CHL1: variants seen among roughly 807,000 people sequenced by gnomAD.
CHL1 encodes cell adhesion molecule L1 like.
CHL1 carries 96 observed loss-of-function variants against 141.9 expected under a neutral mutation model. The ratio of observed to expected loss-of-function variants is 0.68; its 90% CI spans 0.57 to 0.80. The LOEUF (loss-of-function observed/expected upper bound fraction) is 0.80, where lower values mean the gene tolerates loss of function less well. Among genes scored for constraint, CHL1 ranks in the 30% least tolerant of loss-of-function variants. The pLI, the probability that CHL1 is intolerant of heterozygous loss-of-function variation, is 0.00. For missense variants in CHL1, 1,820 were observed against 1,457.2 expected, an observed-to-expected ratio of 1.25 and a Z score of -4.05; for synonymous variants, 613 against 502.2, an observed-to-expected ratio of 1.22 and a Z score of -2.95.
intron 1 of CHL1, among the ~76,000 whole-genome samples, chr3:203,479 T>C (rs907637752): frequency 2.0e-5 from 3 of 152,228 alleles, no homozygotes; most frequent in Non-Finnish European, 4.4e-5. Context: ...CTTTGTTCCT[T>C]TCTTTTATAT....
chr3:295,124 G>T (rs553560928), intron 2 of CHL1, among the ~76,000 whole-genome samples: 11 of 151,902 alleles, frequency 7.2e-5, no homozygotes, highest in African/African-American at 2.7e-4. Flanking sequence ...CTACTGGGTC[G>T]TTTCTGTTTG....
rs758642258 is a variant in CHL1, at chr3:342,102, C to T, written c.679+20C>T. 2.1e-5 allele frequency: 34 copies of T among 1,590,720 alleles called. No homozygotes were observed. The highest frequency in any genetic ancestry group is 1.2e-4 in the African/African-American group (9 of 74,442). ...ACAGTTGTAAGTCCACATAATTTAT[C>T]GTTTCATCATGTATGCTGAATGCAA... On this transcript the variant is annotated intron_variant, in intron 7 of 27. Coordinates refer to ENST00000256509, the MANE Select transcript of CHL1 (RefSeq NM_006614.4).
At chr3:237,169 G>A (rs1324151507) in intron 1 of CHL1, among the ~76,000 whole-genome samples, 1 of 152,168 alleles carries the variant, frequency 6.6e-6, no homozygotes, top group African/African-American at 2.4e-5. Flanking sequence ...GGTGGGAGGT[G>A]ATTGGATTAT....
intron 1 of CHL1, among the ~76,000 whole-genome samples, chr3:200,779 C>T (rs1419342691): frequency 6.6e-6 from 1 of 152,118 alleles, no homozygotes; most frequent in Admixed American, 6.5e-5. Flanking sequence ...CATGCCTTTC[C>T]TCTCACCCCT....
At chr3:234,001 C>G (rs1441125509) in intron 1 of CHL1, among the ~76,000 whole-genome samples, 1 of 151,772 alleles carries the variant, frequency 6.6e-6, no homozygotes. Flanking sequence ...AGTCAAAATG[C>G]TCATAATATT....
intron 16 of CHL1, among the ~76,000 whole-genome samples, chr3:379,042 C>A (rs1358175063): frequency 1.3e-5 from 2 of 152,142 alleles, no homozygotes; most frequent in South Asian, 2.1e-4. Context: ...GTTTTGCCTA[C>A]CCTTCTTTAT....
chr3:241,641 G>A (rs1181939320), intron 1 of CHL1, among the ~76,000 whole-genome samples: 1 of 150,182 alleles, frequency 6.7e-6, no homozygotes, highest in Non-Finnish European at 1.5e-5. Flanking sequence ...GTTTTTTTGT[G>A]CATATACTAT....
chr3:306,866 T>C (rs1054741332), intron 2 of CHL1, among the ~76,000 whole-genome samples: 3 of 152,206 alleles, frequency 2.0e-5, no homozygotes, highest in Non-Finnish European at 4.4e-5. Flanking sequence ...TTGATAATTA[T>C]GATGACCATC....
At chr3:362,623 TA>T (rs11356805) in intron 13 of CHL1, among the ~76,000 whole-genome samples, 83,477 of 148,126 alleles carry the variant, frequency 0.56, 23,460 homozygotes, top group Admixed American at 0.69. Context: ...AGCTTATCCT[TA>T]AAAAAAAAAA....
rs778482355 is a variant in CHL1, at chr3:349,452, G to A, written c.942G>A (p.Glu314=). ...ATTATGGCAAGACTTTGAAGATAGA[G>A]AATGTCTCCTACCAGGACAAAGGAA... ...KENYGKTLKI[E]NVSYQDKGNY... The change falls in exon 10 of 28, where the codon GAG becomes GAA. Residue 314 remains glutamate, a synonymous_variant. Transcript: ENST00000256509. The A allele has an allele frequency of 2.5e-6, 4 of 1,613,784 alleles. No homozygotes were observed. Among genetic ancestry groups the A allele is most frequent in the Non-Finnish European group, 3.4e-6 (4 of 1,179,816 alleles).
At chr3:275,527 T>A (rs1044273695) in intron 2 of CHL1, among the ~76,000 whole-genome samples, 6 of 152,232 alleles carry the variant, frequency 3.9e-5, no homozygotes, top group Admixed American at 2.6e-4. Context: ...TTAGGTGCTA[T>A]CTGGACTGAC....
At chr3:348,907 C>A (rs1344740241) in intron 9 of CHL1, among the ~76,000 whole-genome samples, 1 of 152,216 alleles carries the variant, frequency 6.6e-6, no homozygotes, top group African/African-American at 2.4e-5. Context: ...AGGGAAACTT[C>A]TCTCTGCTGA....
chr3:376,354 C>A, intron 15 of CHL1: 1 of 510,304 alleles, frequency 2.0e-6, no homozygotes, highest in Non-Finnish European at 3.9e-6. Context: ...TGCAATGGCC[C>A]TTGCCCCATC....
At chr3:394,319 A>G (rs754711301) in intron 23 of CHL1, among the ~76,000 whole-genome samples, 1 of 152,192 alleles carries the variant, frequency 6.6e-6, no homozygotes, top group Non-Finnish European at 1.5e-5. Flanking sequence ...CAAAGATACA[A>G]TGAAAATATA....
intron 1 of CHL1, among the ~76,000 whole-genome samples, chr3:220,221 C>G (rs1227689962): frequency 6.6e-6 from 1 of 152,158 alleles, no homozygotes; most frequent in Non-Finnish European, 1.5e-5. Context: ...AATACCCCAT[C>G]TACCTTTGTC....
chr3:389,543 C>A, intron 20 of CHL1, 69 bp downstream of exon 20: 1 of 1,230,868 alleles, frequency 8.1e-7, no homozygotes, highest in Non-Finnish European at 1.2e-6. Context: ...GTACTTCAAT[C>A]AACAAATATT....
chr3:379,334 T>G (rs1706739436), intron 16 of CHL1, among the ~76,000 whole-genome samples: 3 of 152,150 alleles, frequency 2.0e-5, no homozygotes, highest in African/African-American at 2.4e-5. Flanking sequence ...CTTGTAGAGT[T>G]GTCGAGTCGG....
intron 2 of CHL1, among the ~76,000 whole-genome samples, chr3:245,130 C>T (rs958921128): frequency 5.3e-5 from 8 of 152,114 alleles, no homozygotes; most frequent in Admixed American, 1.3e-4. Flanking sequence ...ATAGTCTGAA[C>T]GACTTACAGC....
chr3:380,099 A>G (rs1706849304), intron 16 of CHL1, among the ~76,000 whole-genome samples: 1 of 152,214 alleles, frequency 6.6e-6, no homozygotes, highest in African/African-American at 2.4e-5. Flanking sequence ...TGCAATACAC[A>G]GCCTTAGTTT....
Sources: gnomAD v4.1 joint callset for allele counts (sites outside exome capture counted in the v4.1 genomes callset) on GRCh38, gnomAD v4.1.1 for gene constraint, MANE v1.5 for transcripts, NCBI Gene and HGNC (gene_info 2026-07-23, HGNC 2026-07-21) for gene names.